CDADC1: variants seen among roughly 807,000 people sequenced by gnomAD.
CDADC1 encodes cytidine and dCMP deaminase domain containing 1, also known as dCTP deaminase.
CDADC1 carries 39 observed loss-of-function variants against 54.9 expected under a neutral mutation model. That is an observed-to-expected ratio of 0.71 (90% CI 0.55 to 0.93). The LOEUF is 0.93. Ranked by LOEUF, CDADC1 falls within the 40% of genes least tolerant of loss-of-function variation. The pLI is 0.00. For missense variants in CDADC1, 518 were observed against 618.8 expected (o/e 0.84, Z 1.73); for synonymous variants, 186 against 204.0 (o/e 0.91, Z 0.75).
chr13:49,270,337 C>T (rs1480631460), intron 5 of CDADC1, among the ~76,000 whole-genome samples: 1 of 152,104 alleles, frequency 6.6e-6, no homozygotes, highest in African/African-American at 2.4e-5. Context: ...CCTCCCACAT[C>T]GACCTCCTGA....
chr13:49,260,695 AATATGCATCTTGTTGC>A (rs1952662194), intron 4 of CDADC1, among the ~76,000 whole-genome samples: 1 of 152,248 alleles, frequency 6.6e-6, no homozygotes, highest in Non-Finnish European at 1.5e-5. Context: ...TCATTTAAAA[AATATGCATCTTGTTGC>A]ATAGGCATCA....
chr13:49,267,360 A>G, intron 4 of CDADC1, 130 bp from the exon 5 acceptor site: 2 of 789,484 alleles, frequency 2.5e-6, no homozygotes. Context: ...GCTATATAAT[A>G]GGTGACTTGG....
rs142195783 is a variant in CDADC1 at position 49,270,990 on chromosome 13, T to C, written c.1000+2931T>C. Among the ~76,000 whole-genome samples, 672 of 152,356 alleles carry C rather than the reference T, an allele frequency of 4.4e-3. 5 individuals carry two copies. The highest frequency in any genetic ancestry group is 0.015 in the African/African-American group (640 of 41,582). On this transcript the variant is annotated intron_variant, in intron 5 of 9. Transcript: ENST00000251108. ...TTAATAGATGAAGATACCATTTCATTTAAAAATGTACATATGATTAAAATG... is the reference window on the plus strand; with the variant it reads ...TTAATAGATGAAGATACCATTTCATCTAAAAATGTACATATGATTAAAATG...
At position 49,247,973 on chromosome 13, in the gene CDADC1, G is replaced by T; in HGVS notation, c.-65G>T. On this transcript the variant is annotated 5_prime_UTR_variant, in exon 1 of 10. Coordinates refer to ENST00000251108, the MANE Select transcript of CDADC1 (RefSeq NM_030911.4). Reference sequence around the variant, plus strand: ...CTGAGAGGAGGCGAGAGGCGGGGGCGCTAGGGCCGAGATCATGTCTGACTG... The same window carrying T: ...CTGAGAGGAGGCGAGAGGCGGGGGCTCTAGGGCCGAGATCATGTCTGACTG... 2 of 1,438,196 alleles carry T rather than the reference G, an allele frequency of 1.4e-6. No homozygotes were observed. The highest frequency in any genetic ancestry group is 1.7e-4 in the Middle Eastern group (1 of 5,784). The allele number at this position is 1,438,196 out of a possible 1,614,324, so 89.1% of individuals were successfully genotyped here.
chr13:49,272,657 C>CTTTT (rs1191602451), intron 5 of CDADC1, among the ~76,000 whole-genome samples: 3 of 133,036 alleles, frequency 2.3e-5, no homozygotes, highest in African/African-American at 5.6e-5. Context: ...ATTTCTTTTT[C>CTTTT]TTTTTTTTTT....
At chr13:49,285,391 G>C (rs887630940) in intron 8 of CDADC1, among the ~76,000 whole-genome samples, 2 of 151,960 alleles carry the variant, frequency 1.3e-5, no homozygotes, top group African/African-American at 4.8e-5. Context: ...TGTTAGCCAG[G>C]ATGGTCTCTA....
In CDADC1 at chr13:49,268,659, T is replaced by C. The variant is rs528762746; in HGVS notation, c.1000+600T>C. Among the ~76,000 whole-genome samples, 29 of 151,996 alleles carry C rather than the reference T, an allele frequency of 1.9e-4. No homozygotes were observed. The South Asian group carries it at 6.0e-3, about 32-fold the overall frequency. ...CAGCTCCAGAGACACAGCAAGACTC[T>C]ATCTCCAAAAAAAGAAAAAGGAGAA... On this transcript the variant is annotated intron_variant, in intron 5 of 9. Transcript: ENST00000251108.
intron 8 of CDADC1, among the ~76,000 whole-genome samples, chr13:49,285,030 T>C (rs1386611060): frequency 6.6e-6 from 1 of 152,204 alleles, no homozygotes; most frequent in Non-Finnish European, 1.5e-5. Flanking sequence ...TATTTATTCC[T>C]GAATGGTTGA....
chr13:49,255,635 CATAGGGG>C (rs1952525643), intron 2 of CDADC1, among the ~76,000 whole-genome samples, 197 bp from the exon 3 acceptor site: 1 of 151,864 alleles, frequency 6.6e-6, no homozygotes, highest in South Asian at 2.1e-4. Context: ...TGGGAAAGTA[CATAGGGG>C]ATAGATTATA....
chr13:49,253,197 T>C (rs929783622), intron 2 of CDADC1, among the ~76,000 whole-genome samples: 11 of 152,254 alleles, frequency 7.2e-5, no homozygotes, highest in Admixed American at 1.3e-4. Flanking sequence ...TTTGTCTTAC[T>C]AAAAGTATTT....
At position 49,286,219 on chromosome 13, in the gene CDADC1, C is replaced by T; in HGVS notation, c.1411-3C>T. 6.2e-7 allele frequency: 1 copy of T among 1,611,548 alleles called. No homozygotes were observed. Among genetic ancestry groups the T allele is most frequent in the Non-Finnish European group, 8.5e-7 (1 of 1,177,748 alleles). ...CAAGTAAAATGTTTGTGCACTCTTA[C>T]AGTGGCAGCTGAATCCATCAGGAGC... On this transcript the variant is annotated splice_polypyrimidine_tract_variant and splice_region_variant and intron_variant, in intron 8 of 9. Transcript: ENST00000251108.
At chr13:49,273,291 TA>T (rs2138234792) in intron 5 of CDADC1, among the ~76,000 whole-genome samples, 1 of 152,332 alleles carries the variant, frequency 6.6e-6, no homozygotes, top group East Asian at 1.9e-4. Flanking sequence ...CGGTTTCAGT[TA>T]ATCCTCCCCA....
chr13:49,251,257 A>G lies in CDADC1; in HGVS notation c.177+2292A>G, dbSNP rs546835890. 1.6e-3 allele frequency among the ~76,000 whole-genome samples: 248 copies of G among 152,160 alleles called. 2 individuals are homozygous for G. Among genetic ancestry groups the G allele is most frequent in the African/African-American group, 5.8e-3 (241 of 41,510 alleles). ...ACCCCGTCTCTGCCAAAAATACAAAAAGTAGCTGGGCGTGGTGGTGCGTGC... is the reference window on the plus strand; with the variant it reads ...ACCCCGTCTCTGCCAAAAATACAAAGAGTAGCTGGGCGTGGTGGTGCGTGC... On this transcript the variant is annotated intron_variant, in intron 2 of 9. Transcript: ENST00000251108.
intron 6 of CDADC1, among the ~76,000 whole-genome samples, chr13:49,277,811 A>C (rs910656764): frequency 6.6e-6 from 1 of 152,180 alleles, no homozygotes; most frequent in Non-Finnish European, 1.5e-5. Context: ...ATGAAAATGC[A>C]TTTTTTATTT....
At chr13:49,252,477 G>T (rs994051509) in intron 2 of CDADC1, among the ~76,000 whole-genome samples, 12 of 152,292 alleles carry the variant, frequency 7.9e-5, no homozygotes, top group South Asian at 2.1e-4. Flanking sequence ...ATTGTAGGTT[G>T]TCAATTACTT....
chr13:49,257,799 G>A (rs191531873), intron 3 of CDADC1, among the ~76,000 whole-genome samples: 4 of 152,240 alleles, frequency 2.6e-5, no homozygotes, highest in Admixed American at 6.5e-5. Context: ...CAGCCTGGGC[G>A]ACAGAGTGAG....
chr13:49,267,848 G>A lies in CDADC1; in HGVS notation c.789G>A (p.Leu263=), dbSNP rs746394969. The change falls in exon 5 of 10, where the codon CTG becomes CTA. Residue 263 remains leucine, a synonymous_variant. Coordinates refer to ENST00000251108, the MANE Select transcript of CDADC1 (RefSeq NM_030911.4). ...QILMTIGLEN[L]CENPYFSNLR... is the part of the protein sequence containing the mutation. ...TGATGACTATAGGTTTGGAGAACCT[G>A]TGTGAAAATCCATACTTTAGCAATC... 7.4e-6 allele frequency: 12 copies of A among 1,613,932 alleles called. No individual in the cohort carries two copies. The highest frequency in any genetic ancestry group is 1.0e-5 in the Non-Finnish European group (12 of 1,179,946).
intron 3 of CDADC1, 93 bp from the exon 4 acceptor site, chr13:49,259,253 A>G (rs1441445594): frequency 3.3e-6 from 3 of 919,692 alleles, no homozygotes; most frequent in Non-Finnish European, 4.7e-6. Flanking sequence ...GAATTAAACA[A>G]AACTTCCATT....
chr13:49,259,402 T>C lies in CDADC1; in HGVS notation c.309T>C (p.Cys103=). 1 of 1,613,962 alleles carries C rather than the reference T, an allele frequency of 6.2e-7. No homozygotes were observed. The highest frequency in any genetic ancestry group is 8.5e-7 in the Non-Finnish European group (1 of 1,179,798). The change falls in exon 4 of 10, where the codon TGT becomes TGC. Residue 103 remains cysteine (C), a synonymous_variant. Transcript: ENST00000251108. ...ACATGAAAATTGTTGGTCTCCACTGTTCTAGTGAAGATTTACATGCCGGGC... is the reference window on the plus strand; with the variant it reads ...ACATGAAAATTGTTGGTCTCCACTGCTCTAGTGAAGATTTACATGCCGGGC... The part of the protein sequence containing the change: ...VKNMKIVGLH[C]SSEDLHAGQI...
Sources: gnomAD v4.1 joint callset for allele counts (sites outside exome capture counted in the v4.1 genomes callset) on GRCh38, gnomAD v4.1.1 for gene constraint, MANE v1.5 for transcripts, NCBI Gene and HGNC (gene_info 2026-07-23, HGNC 2026-07-21) for gene names.